STX12: variants seen among roughly 807,000 people sequenced by gnomAD.
STX12 encodes syntaxin 12.
STX12 carries 17 observed loss-of-function variants against 42.2 expected under a neutral mutation model. The ratio of observed to expected loss-of-function variants is 0.40; its 90% CI spans 0.28 to 0.60. The LOEUF is 0.60. Among genes scored for constraint, STX12 ranks in the 20% least tolerant of loss-of-function variants. The pLI is 0.39. For synonymous variants in STX12, 108 were observed against 116.7 expected (o/e 0.93, Z 0.48); for missense variants, 297 against 330.9 (o/e 0.90, Z 0.79).
At chr1:27,797,521 C>G (rs1360421682) in intron 3 of STX12, among the ~76,000 whole-genome samples, 1 of 152,090 alleles carries the variant, frequency 6.6e-6, no homozygotes, top group African/African-American at 2.4e-5. Context: ...TGGGCATGCC[C>G]CAAGGTTGTG....
intron 6 of STX12, among the ~76,000 whole-genome samples, chr1:27,813,738 G>A (rs759512082): frequency 6.6e-6 from 1 of 152,064 alleles, no homozygotes; most frequent in East Asian, 1.9e-4. Context: ...TTAAAAATGG[G>A]CAAATATCCA....
intron 1 of STX12, chr1:27,773,780 C>T (rs577090523): frequency 1.3e-5 from 3 of 238,288 alleles, no homozygotes; most frequent in South Asian, 5.2e-5. Context: ...TCCTGTCACC[C>T]ACCTTCCTCC....
chr1:27,779,805 G>C (rs372929967), intron 1 of STX12, among the ~76,000 whole-genome samples: 1 of 148,796 alleles, frequency 6.7e-6, no homozygotes, highest in Non-Finnish European at 1.5e-5. Flanking sequence ...TTTTTTTAGA[G>C]AAAGAGAGTT....
At chr1:27,807,226 GT>G (rs1268614800) in intron 4 of STX12, among the ~76,000 whole-genome samples, 6 of 151,872 alleles carry the variant, frequency 4.0e-5, no homozygotes, top group African/African-American at 1.5e-4. Flanking sequence ...TACTCTTTTA[GT>G]TATTTTTGAA....
intron 4 of STX12, among the ~76,000 whole-genome samples, chr1:27,805,084 T>C (rs900443936): frequency 6.6e-6 from 1 of 152,034 alleles, no homozygotes; most frequent in Admixed American, 6.6e-5. Context: ...GGGAAAACTG[T>C]CCCCATGCTT....
chr1:27,773,301 C>T lies in STX12; in HGVS notation c.-7C>T. ...GGTGTAGAGCGAGCAGGTCTCAGCTCCTCGTCATGTCATACGGTCCCTTAG... is the reference window on the plus strand; with the variant it reads ...GGTGTAGAGCGAGCAGGTCTCAGCTTCTCGTCATGTCATACGGTCCCTTAG... On this transcript the variant is annotated 5_prime_UTR_variant, in exon 1 of 9. Coordinates refer to ENST00000373943, the MANE Select transcript of STX12 (RefSeq NM_177424.3). 13 of 1,566,420 alleles carry T rather than the reference C, an allele frequency of 8.3e-6. No homozygotes were observed. Among genetic ancestry groups the T allele is most frequent in the Non-Finnish European group, 7.0e-6 (8 of 1,149,990 alleles).
At chr1:27,818,108 C>T (rs751884189) in intron 7 of STX12, 185 bp downstream of exon 7, 20 of 543,580 alleles carry the variant, frequency 3.7e-5, no homozygotes, top group South Asian at 1.1e-4. Context: ...TTAGGCTAGG[C>T]GTGGTGGCTC....
chr1:27,783,921 A>G (rs1035524855), intron 1 of STX12, among the ~76,000 whole-genome samples: 3 of 151,928 alleles, frequency 2.0e-5, no homozygotes, highest in Admixed American at 6.6e-5. Context: ...GCTCATGCCT[A>G]TAATCCCAGC....
intron 3 of STX12, among the ~76,000 whole-genome samples, chr1:27,797,926 A>G (rs1466079905): frequency 6.7e-6 from 1 of 149,816 alleles, no homozygotes; most frequent in Non-Finnish European, 1.5e-5. Context: ...TATACTCTGG[A>G]GCCAAATTTC....
chr1:27,809,403 G>C (rs923988477), intron 4 of STX12, among the ~76,000 whole-genome samples: 1 of 149,800 alleles, frequency 6.7e-6, no homozygotes, highest in Non-Finnish European at 1.5e-5. Flanking sequence ...TCTCTCCAGA[G>C]TTTAATATAT....
intron 1 of STX12, among the ~76,000 whole-genome samples, chr1:27,775,809 A>G (rs776535188): frequency 3.3e-5 from 5 of 152,204 alleles, no homozygotes; most frequent in Non-Finnish European, 5.9e-5. Flanking sequence ...TTCGAAGGTA[A>G]AGAGGAGAAG....
intron 3 of STX12, among the ~76,000 whole-genome samples, chr1:27,796,053 C>T (rs538511951): frequency 8.5e-5 from 13 of 152,292 alleles, no homozygotes; most frequent in South Asian, 2.1e-4. Flanking sequence ...AAACAAAATT[C>T]ATCAAACATC....
chr1:27,779,375 C>T (rs566489181), intron 1 of STX12, among the ~76,000 whole-genome samples: 2 of 151,616 alleles, frequency 1.3e-5, no homozygotes, highest in South Asian at 4.1e-4. Context: ...ACTCTGTCGC[C>T]CAGGCTGGAG....
At chr1:27,775,211 T>TTA (rs927111361) in intron 1 of STX12, among the ~76,000 whole-genome samples, 7 of 152,198 alleles carry the variant, frequency 4.6e-5, no homozygotes, top group East Asian at 1.9e-4. Context: ...CGTGTGTATT[T>TTA]TATATATATA....
intron 1 of STX12, among the ~76,000 whole-genome samples, chr1:27,785,362 A>G (rs972021253): frequency 3.3e-5 from 5 of 152,170 alleles, no homozygotes; most frequent in African/African-American, 1.2e-4. Flanking sequence ...TGAAGTTAAG[A>G]AAGTCACAGG....
chr1:27,782,601 G>A (rs2088675742), intron 1 of STX12, among the ~76,000 whole-genome samples: 1 of 152,122 alleles, frequency 6.6e-6, no homozygotes, highest in East Asian at 1.9e-4. Flanking sequence ...ACTTTGGGAG[G>A]GCAGGGTGGG....
intron 3 of STX12, among the ~76,000 whole-genome samples, chr1:27,798,776 G>A (rs1225102185): frequency 9.4e-5 from 11 of 117,468 alleles, no homozygotes; most frequent in African/African-American, 3.1e-4. Flanking sequence ...GCGAGACTCC[G>A]TCTCAAAAAA....
At chr1:27,792,503 T>A (rs1312992189) in intron 2 of STX12, among the ~76,000 whole-genome samples, 1 of 151,694 alleles carries the variant, frequency 6.6e-6, no homozygotes, top group Non-Finnish European at 1.5e-5. Context: ...AGCCACTGAT[T>A]GGGTACCTCT....
At chr1:27,787,720 C>CA (rs1020752562) in intron 1 of STX12, among the ~76,000 whole-genome samples, 13 of 151,696 alleles carry the variant, frequency 8.6e-5, no homozygotes, top group Non-Finnish European at 1.8e-4. Context: ...AACTGGTACT[C>CA]AATACATTTT....
Sources: allele counts gnomAD v4.1 joint callset (sites outside exome capture counted in the v4.1 genomes callset), GRCh38; gene constraint gnomAD v4.1.1; transcripts MANE v1.5; gene names NCBI Gene and HGNC (gene_info 2026-07-23, HGNC 2026-07-21).